CCDC178: variants seen among roughly 807,000 people sequenced by gnomAD.
CCDC178 encodes coiled-coil domain containing 178, also known as coiled-coil domain-containing protein 178.
In CCDC178, 126 loss-of-function variants were observed where a neutral mutation model predicts 117.4. That is an observed-to-expected ratio of 1.07 (90% CI 0.93 to 1.24). CCDC178 has a LOEUF of 1.24. CCDC178 is among the 50% of genes most tolerant of loss of function. The probability of loss-of-function intolerance (pLI) is 0.00; values close to 1 mark genes in which losing one functional copy is unlikely to be tolerated. For synonymous variants in CCDC178, 283 were observed against 313.4 expected, an observed-to-expected ratio of 0.90 and a Z score of 1.02; for missense variants, 1,030 against 986.9, an observed-to-expected ratio of 1.04 and a Z score of -0.59.
At chr18:33,246,324 T>TAG (rs1213150894) in intron 14 of CCDC178, among the ~76,000 whole-genome samples, 3 of 151,724 alleles carry the variant, frequency 2.0e-5, no homozygotes, top group Non-Finnish European at 2.9e-5. Flanking sequence ...TGTGGTTCAT[T>TAG]AGATGCAGGA....
At chr18:33,108,637 A>C (rs1277375093) in intron 20 of CCDC178, among the ~76,000 whole-genome samples, 3 of 151,618 alleles carry the variant, frequency 2.0e-5, no homozygotes, top group Non-Finnish European at 4.4e-5. Context: ...ATTATTATTA[A>C]ATAAGTAAGA....
At chr18:33,086,059 T>C (rs1766629059) in intron 21 of CCDC178, among the ~76,000 whole-genome samples, 1 of 151,958 alleles carries the variant, frequency 6.6e-6, no homozygotes, top group Admixed American at 6.6e-5. Flanking sequence ...ATGTATTAGA[T>C]AATTAGAAAA....
intron 12 of CCDC178, among the ~76,000 whole-genome samples, chr18:33,292,519 G>T (rs2060180389): frequency 6.6e-6 from 1 of 151,940 alleles, no homozygotes; most frequent in Admixed American, 6.6e-5. Flanking sequence ...ACTGTAGAGT[G>T]ACTCTAGTTA....
At chr18:33,190,505 TG>T (rs979350584) in intron 20 of CCDC178, among the ~76,000 whole-genome samples, 2 of 152,192 alleles carry the variant, frequency 1.3e-5, no homozygotes, top group Non-Finnish European at 2.9e-5. Context: ...TTTTGTTTTC[TG>T]GGTAATACTT....
At chr18:33,222,058 C>A (rs1378941698) in intron 18 of CCDC178, among the ~76,000 whole-genome samples, 1 of 151,978 alleles carries the variant, frequency 6.6e-6, no homozygotes, top group East Asian at 1.9e-4. Context: ...CTAGTTTAAG[C>A]ATGTTTATAT....
chr18:33,159,961 A>C (rs547675711), intron 20 of CCDC178, among the ~76,000 whole-genome samples: 35 of 152,224 alleles, frequency 2.3e-4, no homozygotes, highest in African/African-American at 8.2e-4. Flanking sequence ...CCTATCAATC[A>C]TCAGAGTAAG....
chr18:33,284,630 T>C (rs2060075092), intron 12 of CCDC178, among the ~76,000 whole-genome samples: 1 of 152,132 alleles, frequency 6.6e-6, no homozygotes, highest in Non-Finnish European at 1.5e-5. Context: ...TATTCTAAAC[T>C]TTGAGGAATC....
At chr18:33,139,974 C>T (rs190828997) in intron 20 of CCDC178, among the ~76,000 whole-genome samples, 18 of 152,224 alleles carry the variant, frequency 1.2e-4, no homozygotes, top group African/African-American at 3.9e-4. Flanking sequence ...TCTTGGTGCT[C>T]TGTGTCCCAG....
intron 22 of CCDC178, among the ~76,000 whole-genome samples, chr18:32,940,505 T>A (rs2054213266): frequency 6.6e-6 from 1 of 152,022 alleles, no homozygotes; most frequent in African/African-American, 2.4e-5. Context: ...TATTATTTTT[T>A]AACTTTATTT....
At chr18:33,053,180 T>C (rs529625859) in intron 21 of CCDC178, among the ~76,000 whole-genome samples, 1 of 152,282 alleles carries the variant, frequency 6.6e-6, no homozygotes, top group South Asian at 2.1e-4. Flanking sequence ...TGTCTGGACA[T>C]CAGCCTGAAA....
chr18:33,397,291 G>C, intron 3 of CCDC178, 83 bp from the exon 4 acceptor site: 1 of 843,814 alleles, frequency 1.2e-6, no homozygotes, highest in Non-Finnish European at 1.9e-6. Context: ...GTAAGGATAC[G>C]GGAAGAAAAT....
At chr18:32,980,048 G>C (rs1261096565) in intron 21 of CCDC178, among the ~76,000 whole-genome samples, 1 of 152,050 alleles carries the variant, frequency 6.6e-6, no homozygotes, top group East Asian at 1.9e-4. Flanking sequence ...AAGTAAAGTA[G>C]ATTGAAATGA....
intron 21 of CCDC178, among the ~76,000 whole-genome samples, chr18:33,045,700 G>A (rs1411487934): frequency 6.6e-6 from 1 of 152,142 alleles, no homozygotes; most frequent in African/African-American, 2.4e-5. Context: ...GAAAATGCAT[G>A]CATTACTTTC....
chr18:33,261,766 A>C (rs2059753811), intron 14 of CCDC178, among the ~76,000 whole-genome samples: 1 of 152,108 alleles, frequency 6.6e-6, no homozygotes, highest in Non-Finnish European at 1.5e-5. Flanking sequence ...TTACATTAGG[A>C]GTTTAGTTAC....
At chr18:33,119,202 C>G (rs1488502839) in intron 20 of CCDC178, among the ~76,000 whole-genome samples, 2 of 152,102 alleles carry the variant, frequency 1.3e-5, no homozygotes, top group Non-Finnish European at 2.9e-5. Context: ...TCTAATTAAA[C>G]TAAAGAGCTT....
At chr18:33,367,703 G>A (rs2063232063) in intron 6 of CCDC178, among the ~76,000 whole-genome samples, 1 of 151,752 alleles carries the variant, frequency 6.6e-6, no homozygotes, top group East Asian at 1.9e-4. Flanking sequence ...ATATCTAATG[G>A]AGAGTCCTCA....
At chr18:33,384,847 C>A (rs979147595) in intron 5 of CCDC178, among the ~76,000 whole-genome samples, 1 of 152,122 alleles carries the variant, frequency 6.6e-6, no homozygotes, top group African/African-American at 2.4e-5. Flanking sequence ...ATGACAGGAT[C>A]AAATTCACAC....
chr18:33,254,905 G>A (rs1003616433), intron 14 of CCDC178, among the ~76,000 whole-genome samples: 1 of 152,020 alleles, frequency 6.6e-6, no homozygotes, highest in Admixed American at 6.6e-5. Context: ...AACCCATGTT[G>A]ACATCTGATC....
intron 14 of CCDC178, among the ~76,000 whole-genome samples, chr18:33,252,500 T>C (rs1432942028): frequency 1.3e-5 from 2 of 151,724 alleles, no homozygotes; most frequent in Admixed American, 6.6e-5. Context: ...AGTAAAATCA[T>C]TTAAAACATT....
Sources: allele counts gnomAD v4.1 joint callset (sites outside exome capture counted in the v4.1 genomes callset), GRCh38; gene constraint gnomAD v4.1.1; transcripts MANE v1.5; gene names NCBI Gene and HGNC (gene_info 2026-07-23, HGNC 2026-07-21).